UBTD2: variants seen among roughly 807,000 people sequenced by gnomAD.
UBTD2 encodes ubiquitin domain-containing protein 2.
UBTD2 carries 9 observed loss-of-function variants against 19.8 expected under a neutral mutation model. The observed-to-expected ratio is 0.46, with a 90% CI of 0.27 to 0.79. UBTD2 has a LOEUF of 0.79. UBTD2 is among the 30% of genes least tolerant of loss of function. The pLI, the probability that UBTD2 is intolerant of heterozygous loss-of-function variation, is 0.14. For synonymous variants in UBTD2, 98 were observed against 103.9 expected, an observed-to-expected ratio of 0.94 and a Z score of 0.35; for missense variants, 250 against 300.4, an observed-to-expected ratio of 0.83 and a Z score of 1.24.
At chr5:172,228,185 G>C (rs1451132329) in intron 2 of UBTD2, among the ~76,000 whole-genome samples, 1 of 152,096 alleles carries the variant, frequency 6.6e-6, no homozygotes, top group Non-Finnish European at 1.5e-5. Flanking sequence ...TAAAACATTA[G>C]ACATAGACTA....
In UBTD2 at chr5:172,212,023, G is replaced by C; in HGVS notation, c.512C>G (p.Thr171Arg). ...TCTCTTCATGTGGAATACTGTGTCT[G>C]TGCTGCGAACCACAAGCTTGAGGTC... is the stretch of plus-strand genomic sequence containing the variant. ...GKDLKLVVRS[T>R]DTVFHMKRRL... Residue 171 changes from threonine (T) to arginine (R), a missense_variant, in exon 3 of 3, where the codon ACA (threonine) becomes AGA (arginine). Physicochemically the swap from Thr to Arg is moderately conservative, Grantham distance 71. Coordinates refer to ENST00000393792, the MANE Select transcript of UBTD2 (RefSeq NM_152277.3). 6.2e-7 allele frequency: 1 copy of C among 1,614,226 alleles called. No individual in the cohort carries two copies. The highest frequency in any genetic ancestry group is 8.5e-7 in the Non-Finnish European group (1 of 1,180,048).
At chr5:172,219,019 TACAC>T (rs1771603670) in intron 2 of UBTD2, among the ~76,000 whole-genome samples, 1 of 152,102 alleles carries the variant, frequency 6.6e-6, no homozygotes, top group Admixed American at 6.5e-5. Context: ...ACTCTATGCC[TACAC>T]ATTTGATAAA....
intron 1 of UBTD2, among the ~76,000 whole-genome samples, chr5:172,239,031 C>CATAT (rs1191090618): frequency 1.3e-5 from 2 of 152,100 alleles, no homozygotes; most frequent in Admixed American, 6.5e-5. Flanking sequence ...TATATACACA[C>CATAT]ATATATACAT....
rs543857057 is a variant in UBTD2, at chr5:172,274,981, A to G, written c.70+8615T>C. Among the ~76,000 whole-genome samples, 16 of 152,306 alleles carry G rather than the reference A, an allele frequency of 1.1e-4. No homozygotes were observed. The East Asian group carries it at 3.1e-3, about 29-fold the overall frequency. On this transcript the variant is annotated intron_variant, in intron 1 of 2. Coordinates refer to ENST00000393792, the MANE Select transcript of UBTD2 (RefSeq NM_152277.3). ...AACCCAGCAGGTGGAGTTTGCCGTG[A>G]GCCAAGATTGCGCCACTGCACTCCA...
At chr5:172,243,153 A>C (rs1346614869) in intron 1 of UBTD2, among the ~76,000 whole-genome samples, 1 of 146,258 alleles carries the variant, frequency 6.8e-6, no homozygotes, top group African/African-American at 2.5e-5. Flanking sequence ...TTAATATTTG[A>C]ATACTTTGCC....
intron 2 of UBTD2, among the ~76,000 whole-genome samples, chr5:172,230,323 G>A (rs539824039): frequency 1.8e-4 from 28 of 151,932 alleles, no homozygotes; most frequent in African/African-American, 5.6e-4. Flanking sequence ...GTGAAACTCC[G>A]TCTCAAAGTA....
intron 2 of UBTD2, among the ~76,000 whole-genome samples, chr5:172,229,358 A>G (rs987387283): frequency 2.2e-4 from 33 of 151,838 alleles, no homozygotes; most frequent in Admixed American, 2.6e-4. Flanking sequence ...AAAATTAGCC[A>G]GGCATGGTGG....
chr5:172,215,618 C>A (rs1036177020), intron 2 of UBTD2, among the ~76,000 whole-genome samples: 1 of 152,094 alleles, frequency 6.6e-6, no homozygotes, highest in African/African-American at 2.4e-5. Context: ...GACTCAGATA[C>A]GGCAGAAGTG....
At chr5:172,237,867 C>T (rs530966884) in intron 1 of UBTD2, among the ~76,000 whole-genome samples, 165 of 152,252 alleles carry the variant, frequency 1.1e-3, no homozygotes, top group African/African-American at 3.9e-3. Flanking sequence ...TCTTTAAGTC[C>T]TTTGGCAAAA....
chr5:172,248,761 C>CAAA (rs1248793919), intron 1 of UBTD2, among the ~76,000 whole-genome samples: 1 of 127,960 alleles, frequency 7.8e-6, no homozygotes. Flanking sequence ...GATCCTGTCT[C>CAAA]AAAAAAAAAA....
rs57657254 is a variant in UBTD2 at position 172,216,591 on chromosome 5, CAAAAAAAAAAAAAAAAAA to C, written c.308-4382_308-4365del. Among the ~76,000 whole-genome samples, 3 of 36,924 alleles carry C rather than the reference CAAAAAAAAAAAAAAAAAA, an allele frequency of 8.1e-5. 1 individual carries two copies. The Admixed American group carries it at 1.3e-3, about 16-fold the overall frequency. 24.2% of individuals were successfully genotyped at this position (36,924 alleles called of 152,430 possible). A position where few individuals can be genotyped will look rare whatever the true frequency, so the allele number is the denominator to read the frequency against. On this transcript the variant is annotated intron_variant, in intron 2 of 2. Transcript: ENST00000393792. ...AACATAGGGAAACCCCATCTCTACC[CAAAAAAAAAAAAAAAAAA>C]AAAAAAAAAAGCCAGAGGGGGGAAA...
intron 2 of UBTD2, among the ~76,000 whole-genome samples, chr5:172,217,418 C>CAAAAA (rs35018283): frequency 8.7e-6 from 1 of 114,870 alleles, no homozygotes; most frequent in Non-Finnish European, 1.9e-5. Context: ...GACTCTGTCT[C>CAAAAA]AAAAAAAAAA....
chr5:172,260,293 T>C (rs1407511953), intron 1 of UBTD2, among the ~76,000 whole-genome samples: 1 of 152,002 alleles, frequency 6.6e-6, no homozygotes, highest in Non-Finnish European at 1.5e-5. Flanking sequence ...TCTCTCTTAA[T>C]GTTTTATCTG....
upstream of UBTD2, chr5:172,283,784 C>T: frequency 1.6e-6 from 1 of 606,368 alleles, no homozygotes; most frequent in Non-Finnish European, 2.1e-6. This position sits in a 1 kb window ranked among gnomAD's most constrained non-coding sequence, Gnocchi z 4.3. Context: ...GCTCCGCTCG[C>T]CCGCCGCGGC....
intron 1 of UBTD2, among the ~76,000 whole-genome samples, chr5:172,251,322 A>G (rs185685793): frequency 6.6e-6 from 1 of 151,604 alleles, no homozygotes; most frequent in African/African-American, 2.4e-5. Context: ...CTCAAAAAAA[A>G]AAAAGAAAAT....
chr5:172,246,441 CTTTTTT>C (rs36037402), intron 1 of UBTD2, among the ~76,000 whole-genome samples: 12 of 85,092 alleles, frequency 1.4e-4, no homozygotes, highest in African/African-American at 3.6e-4. Context: ...ATTGAGATTG[CTTTTTT>C]TTTTTTTTTT....
At chr5:172,220,984 T>C (rs1023215331) in intron 2 of UBTD2, among the ~76,000 whole-genome samples, 10 of 152,168 alleles carry the variant, frequency 6.6e-5, no homozygotes, top group Admixed American at 5.2e-4. Flanking sequence ...AATGAGCAAG[T>C]AGAATATGAA....
chr5:172,243,310 T>C lies in UBTD2; in HGVS notation c.71-8952A>G, dbSNP rs180738984. ...ACAGCATGGCTATAGACTGACTGCATGTGTGTCCTCACAAAATTTGTGTGG... is the reference window on the plus strand; with the variant it reads ...ACAGCATGGCTATAGACTGACTGCACGTGTGTCCTCACAAAATTTGTGTGG... On this transcript the variant is annotated intron_variant, in intron 1 of 2. Transcript: ENST00000393792. 2.6e-5 allele frequency among the ~76,000 whole-genome samples: 4 copies of C among 152,262 alleles called. No homozygotes were observed. The East Asian group carries it at 7.7e-4, about 29-fold the overall frequency.
intron 1 of UBTD2, among the ~76,000 whole-genome samples, chr5:172,265,167 T>G (rs763586033): frequency 5.3e-5 from 8 of 152,176 alleles, no homozygotes; most frequent in Non-Finnish European, 1.2e-4. Context: ...AGTAGGAAGC[T>G]CTTAACAAGC....
Sources: gnomAD v4.1 joint callset for allele counts (sites outside exome capture counted in the v4.1 genomes callset) on GRCh38, gnomAD v4.1.1 for gene constraint, Gnocchi (gnomAD v3.1) non-coding constraint, MANE v1.5 for transcripts, NCBI Gene and HGNC (gene_info 2026-07-23, HGNC 2026-07-21) for gene names.